NAV1: variants seen among roughly 807,000 people sequenced by gnomAD.
NAV1 encodes the protein neuron navigator 1, also known as pore membrane and/or filament interacting like protein 3.
In NAV1, 18 loss-of-function variants were observed where a neutral mutation model predicts 175.2. The observed-to-expected ratio is 0.10, with a 90% CI of 0.07 to 0.15. The LOEUF (loss-of-function observed/expected upper bound fraction) is 0.15, where lower values mean the gene tolerates loss of function less well. NAV1 is among the 10% of genes least tolerant of loss of function. NAV1 has a pLI of 1.00. For synonymous variants in NAV1, 897 were observed against 978.7 expected, an observed-to-expected ratio of 0.92 and a Z score of 1.56; for missense variants, 1,731 against 2,436.6, an observed-to-expected ratio of 0.71 and a Z score of 6.10.
chr1:201,569,977 G>A (rs1231691183), intron 1 of NAV1, among the ~76,000 whole-genome samples: 2 of 152,186 alleles, frequency 1.3e-5, no homozygotes, highest in African/African-American at 4.8e-5. Context: ...AGCTCCTGGG[G>A]TTATTGTGAG....
intron 3 of NAV1, among the ~76,000 whole-genome samples, chr1:201,727,813 A>G (rs1672673175): frequency 6.6e-6 from 1 of 152,220 alleles, no homozygotes; most frequent in Admixed American, 6.5e-5. Flanking sequence ...CCAGAAGGGC[A>G]AGGAAGCATG....
At chr1:201,802,280 G>A (rs1417259999) in intron 15 of NAV1, among the ~76,000 whole-genome samples, 1 of 131,722 alleles carries the variant, frequency 7.6e-6, no homozygotes, top group Non-Finnish European at 1.6e-5. Flanking sequence ...ACTCTAGCCT[G>A]CGCAAGAAGA....
chr1:201,743,418 C>G (rs1673559537), intron 3 of NAV1, among the ~76,000 whole-genome samples: 2 of 152,228 alleles, frequency 1.3e-5, no homozygotes, highest in Non-Finnish European at 2.9e-5. Context: ...ATTTAGAACT[C>G]ACTCCACTAC....
At chr1:201,819,049 CAT>C (rs1165018423) in intron 29 of NAV1, among the ~76,000 whole-genome samples, 1 of 152,098 alleles carries the variant, frequency 6.6e-6, no homozygotes, top group Non-Finnish European at 1.5e-5. Context: ...GAAGTGAGTA[CAT>C]AGAGGTATTT....
In NAV1 at chr1:201,740,113, C is replaced by T; in HGVS notation, c.1226+21358C>T. On this transcript the variant is annotated intron_variant, in intron 3 of 29. Coordinates refer to ENST00000367296, the Ensembl canonical transcript of NAV1. The surrounding 1 kb of genome is among the most constrained non-coding windows in gnomAD (Gnocchi z 4.7). ...CACCCCCCTGGCCTCACCGCCAGAC[C>T]GCAGAGCTGGGGTCGGGTTTGTGGC... 1 of 1,412,556 alleles carries T rather than the reference C, an allele frequency of 7.1e-7. No individual in the cohort carries two copies. The highest frequency in any genetic ancestry group is 1.6e-5 in the South Asian group (1 of 62,182). The allele number at this position is 1,412,556 out of a possible 1,614,324, so 87.5% of individuals were successfully genotyped here. A position where few individuals can be genotyped will look rare whatever the true frequency, so the allele number is the denominator to read the frequency against.
At position 201,794,592 on chromosome 1, in the gene NAV1, C is replaced by T; in HGVS notation, c.3517+15C>T. ...CACACCCAAAGGTAGGACATCCAGCCACAGATTGAGAGGGAACAGGGAGCA... is the reference window on the plus strand; with the variant it reads ...CACACCCAAAGGTAGGACATCCAGCTACAGATTGAGAGGGAACAGGGAGCA... On this transcript the variant is annotated intron_variant, in intron 15 of 29. Coordinates refer to ENST00000367296, the Ensembl canonical transcript of NAV1. The T allele has an allele frequency of 1.2e-6, 2 of 1,601,642 alleles. No homozygotes were observed. The highest frequency in any genetic ancestry group is 1.7e-6 in the Non-Finnish European group (2 of 1,168,690).
Position 201,548,952 on chromosome 1 carries a change from G to A in NAV1, c.-144+9610G>A, listed in dbSNP as rs913147377. ...CAGAAAACTATTTGGACAATAGAAT[G>A]GAGTTGGGAAGAGGTGGGACAGGAA... On this transcript the variant is annotated intron_variant, in intron 1 of 33. Coordinates refer to the NAV1 transcript ENST00000685211. Among the ~76,000 whole-genome samples the A allele has an allele frequency of 2.0e-5, 3 of 152,340 alleles. No homozygotes were observed. The East Asian group carries it at 5.8e-4, about 29-fold the overall frequency.
rs1678609936 is a variant in NAV1, at chr1:201,810,336, A to G, written c.4562-187A>G. On this transcript the variant is annotated intron_variant, in intron 23 of 29. Coordinates refer to ENST00000367296, the Ensembl canonical transcript of NAV1. The surrounding 1 kb of genome is among the most constrained non-coding windows in gnomAD (Gnocchi z 6.0). ...GCTTCACTCCTCACCCCCAGCTCAC[A>G]GCATGTCCCTAAAAAGAAGATCTAA... is the stretch of plus-strand genomic sequence containing the variant. 6.6e-6 allele frequency among the ~76,000 whole-genome samples: 1 copy of G among 152,056 alleles called. No individual in the cohort carries two copies. The highest frequency in any genetic ancestry group is 1.5e-5 in the Non-Finnish European group (1 of 68,018).
rs546572101 is a variant in NAV1 at position 201,660,272 on chromosome 1, C to T, written c.757+10847C>T. Among the ~76,000 whole-genome samples, 3 of 152,358 alleles carry T rather than the reference C, an allele frequency of 2.0e-5. No individual in the cohort carries two copies. The East Asian group carries it at 5.8e-4, about 29-fold the overall frequency. On this transcript the variant is annotated intron_variant, in intron 1 of 29. Transcript: ENST00000367296. ...GGATGGCAGCAGACATGAGAGTGGC[C>T]TTCCTCAGCTGTAGTGGCGGGGCTG...
intron 3 of NAV1, among the ~76,000 whole-genome samples, chr1:201,763,460 A>G (rs1188655508): frequency 6.6e-6 from 1 of 152,208 alleles, no homozygotes. Flanking sequence ...CATCTGAAAA[A>G]GAGAGGAAGG....
exon 1 of NAV1, chr1:201,649,040 G>C: frequency 6.2e-7 from 1 of 1,613,606 alleles, no homozygotes; most frequent in Non-Finnish European, 8.5e-7. Flanking sequence ...GCTTAGGCAA[G>C]GTGGGGTCCA....
chr1:201,607,028 A>G (rs958605568), intron 2 of NAV1, among the ~76,000 whole-genome samples: 4 of 151,976 alleles, frequency 2.6e-5, no homozygotes, highest in African/African-American at 9.7e-5. Context: ...ACTATTTTGG[A>G]TGTTTGTCGC....
chr1:201,683,641 C>G (rs624041), intron 1 of NAV1, among the ~76,000 whole-genome samples: 129,674 of 152,202 alleles, frequency 0.85, 55,306 homozygotes, highest in East Asian at 0.93. Flanking sequence ...ACCTTCTGCT[C>G]TGTGGCCAGT....
chr1:201,793,941 C>T (rs992470237), intron 14 of NAV1, 66 bp downstream of exon 18: 6 of 1,360,238 alleles, frequency 4.4e-6, no homozygotes, highest in South Asian at 1.2e-5. Context: ...ACAGAGAGGC[C>T]GAAGCTGACC....
rs200644791 is a variant in NAV1, at chr1:201,813,575, AAAAC to A, written c.5340+337_5340+340del. ...CTAAGAAGTAAGTAAAACCCTAATT[AAAAC>A]AAACAAACAAACAAACAAAACCTTA... On this transcript the variant is annotated intron_variant, in intron 28 of 29. Transcript: ENST00000367296. The surrounding 1 kb of genome is among the most constrained non-coding windows in gnomAD (Gnocchi z 4.2). Among the ~76,000 whole-genome samples, 2,113 of 152,254 alleles carry A rather than the reference AAAAC, an allele frequency of 0.014. 42 individuals are homozygous for A. Among genetic ancestry groups the A allele is most frequent in the African/African-American group, 0.045 (1,866 of 41,532 alleles).
At chr1:201,642,850 G>A (rs577533291) in intron 2 of NAV1, among the ~76,000 whole-genome samples, 9 of 150,794 alleles carry the variant, frequency 6.0e-5, no homozygotes, top group Admixed American at 4.0e-4. Flanking sequence ...GCTCACTGCA[G>A]GCTCCACCTC....
chr1:201,776,459 G>A (rs910813218), intron 3 of NAV1, among the ~76,000 whole-genome samples: 3 of 151,784 alleles, frequency 2.0e-5, no homozygotes, highest in Non-Finnish European at 4.4e-5. Context: ...GGCTAACACG[G>A]TGAAACCCCA....
At chr1:201,756,651 C>T (rs781004696) in intron 3 of NAV1, among the ~76,000 whole-genome samples, 26 of 152,146 alleles carry the variant, frequency 1.7e-4, no homozygotes, top group Non-Finnish European at 2.9e-4. Flanking sequence ...TCATGTGACT[C>T]AATATGTAGA....
rs189698697 is a variant in NAV1 at position 201,802,634 on chromosome 1, A to G, written c.3518-959A>G. On this transcript the variant is annotated intron_variant, in intron 15 of 29. Transcript: ENST00000367296. ...TCTCTACTAAAAATACGAAAAAATT[A>G]GTGGGCCTGGTGGCGGGTGCCTGTA... Among the ~76,000 whole-genome samples the G allele has an allele frequency of 1.6e-3, 248 of 151,426 alleles. 4 individuals are homozygous for G. Among genetic ancestry groups the G allele is most frequent in the African/African-American group, 5.9e-3 (243 of 41,292 alleles).
Sources: gnomAD v4.1 joint callset for allele counts (sites outside exome capture counted in the v4.1 genomes callset) on GRCh38, gnomAD v4.1.1 for gene constraint, Gnocchi (gnomAD v3.1) non-coding constraint, MANE v1.5 for transcripts, NCBI Gene and HGNC (gene_info 2026-07-23, HGNC 2026-07-21) for gene names.